The following SMC3 variants were observed in gnomAD, a reference collection of about 807,000 sequenced individuals.
SMC3 encodes the protein structural maintenance of chromosomes protein 3.
In SMC3, 20 loss-of-function variants were observed where a neutral mutation model predicts 171.8. The ratio of observed to expected loss-of-function variants is 0.12; its 90% CI spans 0.08 to 0.17. The LOEUF (loss-of-function observed/expected upper bound fraction) is 0.17, where lower values mean the gene tolerates loss of function less well. SMC3 is among the 10% of genes least tolerant of loss of function. SMC3 has a pLI of 1.00. For missense variants in SMC3, 543 were observed against 1,420.4 expected, an observed-to-expected ratio of 0.38 and a Z score of 9.93; for synonymous variants, 464 against 451.1, an observed-to-expected ratio of 1.03 and a Z score of -0.36.
rs1242500798 is a variant in SMC3 at position 110,584,493 on chromosome 10, T to G, written c.1305+97T>G. Reference sequence around the variant, plus strand: ...AGTTTTCTTTTTAAATAAGTCTACATGTTGCTCTTAAAATATATGACAGAT... The same window carrying G: ...AGTTTTCTTTTTAAATAAGTCTACAGGTTGCTCTTAAAATATATGACAGAT... On this transcript the variant is annotated intron_variant, in intron 13 of 28. Transcript: ENST00000361804. The G allele has an allele frequency of 3.6e-6, 3 of 821,988 alleles. No individual in the cohort carries two copies. In the African/African-American group the frequency reaches 5.2e-5, roughly 14 times the overall value. 50.9% of individuals were successfully genotyped at this position (821,988 alleles called of 1,614,324 possible). A position where few individuals can be genotyped will look rare whatever the true frequency, so the allele number is the denominator to read the frequency against.
intron 3 of SMC3, 52 bp downstream of exon 3, chr10:110,573,797 G>C (rs1458819307): frequency 8.6e-7 from 1 of 1,159,566 alleles, no homozygotes; most frequent in Admixed American, 1.7e-5. Flanking sequence ...GTATCTTAGG[G>C]TAGATTATTA....
intron 13 of SMC3, among the ~76,000 whole-genome samples, chr10:110,585,692 G>T (rs2134729612): frequency 6.6e-6 from 1 of 151,670 alleles, no homozygotes; most frequent in East Asian, 1.9e-4. Flanking sequence ...CAGTTCTTCA[G>T]TTTTTTCTTG....
intron 2 of SMC3, among the ~76,000 whole-genome samples, chr10:110,573,473 G>A (rs1043387413): frequency 2.0e-5 from 3 of 151,928 alleles, no homozygotes; most frequent in African/African-American, 4.8e-5. Flanking sequence ...AAGAGCAAAC[G>A]GATCAACTGT....
At chr10:110,586,021 C>T (rs773046761) in intron 13 of SMC3, among the ~76,000 whole-genome samples, 5 of 152,060 alleles carry the variant, frequency 3.3e-5, no homozygotes, top group African/African-American at 4.8e-5. Flanking sequence ...TGGTCTTGAT[C>T]TCTTGACCTT....
intron 18 of SMC3, 124 bp from the exon 19 acceptor site, chr10:110,596,274 T>A: frequency 2.7e-6 from 2 of 744,346 alleles, no homozygotes; most frequent in East Asian, 3.2e-5. Context: ...TTTTTCAGGG[T>A]GGTTTAAATT....
chr10:110,574,631 T>A (rs1860920126), intron 3 of SMC3, among the ~76,000 whole-genome samples: 1 of 152,192 alleles, frequency 6.6e-6, no homozygotes, highest in African/African-American at 2.4e-5. Flanking sequence ...TCGACCTGTG[T>A]CCACAGCACA....
chr10:110,579,753 A>ATT (rs1861004027), intron 7 of SMC3, among the ~76,000 whole-genome samples: 1 of 152,166 alleles, frequency 6.6e-6, no homozygotes, highest in African/African-American at 2.4e-5. Context: ...AATTGCATGA[A>ATT]CCAATATGTA....
At chr10:110,589,046 G>T (rs1488454333) in intron 13 of SMC3, among the ~76,000 whole-genome samples, 2 of 149,870 alleles carry the variant, frequency 1.3e-5, no homozygotes, top group African/African-American at 2.4e-5. Context: ...GTATTTAATG[G>T]TTTGTGTTTT....
chr10:110,577,972 A>G (rs1860977906), intron 6 of SMC3, 58 bp downstream of exon 6: 7 of 1,193,756 alleles, frequency 5.9e-6, no homozygotes, highest in Non-Finnish European at 8.7e-6. Flanking sequence ...GAGATGGGGT[A>G]TTGCTGTGTT....
rs767187688 is a variant in SMC3 at position 110,568,934 on chromosome 10, C to G, written c.16-4C>G. 6.4e-7 allele frequency: 1 copy of G among 1,562,022 alleles called. No homozygotes were observed. Among genetic ancestry groups the G allele is most frequent in the South Asian group, 1.1e-5 (1 of 89,944 alleles). ...GGTTCTCAAAAATGTTTTTTATTTA[C>G]TAGGTGATTATCCAGGGTTTTCGAA... is the stretch of plus-strand genomic sequence containing the variant. On this transcript the variant is annotated splice_polypyrimidine_tract_variant and splice_region_variant and intron_variant, in intron 1 of 28. Transcript: ENST00000361804.
intron 13 of SMC3, among the ~76,000 whole-genome samples, chr10:110,586,321 G>A (rs1181030686): frequency 6.6e-6 from 1 of 152,218 alleles, no homozygotes; most frequent in African/African-American, 2.4e-5. Context: ...GTTTTTGGAA[G>A]TCCAGTCGTG....
chr10:110,573,762 G>T lies in SMC3; in HGVS notation c.130+17G>T, dbSNP rs1590549473. ...TTTTTTATGGTAGGTGTTGCTTTTT[G>T]AATTGTAAATATATTAAGACCTGGG... is the stretch of plus-strand genomic sequence containing the variant. On this transcript the variant is annotated intron_variant, in intron 3 of 28. Transcript: ENST00000361804. 3 of 1,529,362 alleles carry T rather than the reference G, an allele frequency of 2.0e-6. No individual in the cohort carries two copies. 94.7% of individuals were successfully genotyped at this position (1,529,362 alleles called of 1,614,324 possible).
intron 2 of SMC3, among the ~76,000 whole-genome samples, chr10:110,569,409 A>T (rs1190352775): frequency 6.6e-6 from 1 of 152,152 alleles, no homozygotes; most frequent in Non-Finnish European, 1.5e-5. Context: ...GTCTCTAAGG[A>T]CAGACCATGT....
intron 18 of SMC3, 98 bp from the exon 19 acceptor site, chr10:110,596,297 CATT>C (rs1861299501): frequency 4.7e-6 from 5 of 1,074,344 alleles, no homozygotes; most frequent in Admixed American, 2.7e-5. Context: ...TTTCAATTCT[CATT>C]ATCTACTTAA....
At chr10:110,568,615 T>C in intron 1 of SMC3, 1 of 304,948 alleles carries the variant, frequency 3.3e-6, no homozygotes, top group South Asian at 3.5e-5. Context: ...CCTGCTTTTA[T>C]AGACTTGCTA....
At position 110,596,432 on chromosome 10, in the gene SMC3, G is replaced by C. The variant is rs142669130; in HGVS notation, c.1998G>C (p.Gly666=). 41 of 1,613,806 alleles carry C rather than the reference G, an allele frequency of 2.5e-5. No individual in the cohort carries two copies. Among genetic ancestry groups the C allele is most frequent in the Non-Finnish European group, 3.1e-5 (37 of 1,179,952 alleles). ...TCAGCCATCGGGGTGCTCTAACTGG[G>C]GGTTATTATGACACAAGGAAGTCTC... ...DQVSHRGALT[G]GYYDTRKSRL... The change falls in exon 19 of 29, where the codon GGG becomes GGC. Residue 666 remains glycine (G), a synonymous_variant. Coordinates refer to ENST00000361804, the MANE Select transcript of SMC3 (RefSeq NM_005445.4).
intron 13 of SMC3, among the ~76,000 whole-genome samples, chr10:110,589,189 A>G (rs1170615644): frequency 1.3e-5 from 2 of 152,144 alleles, no homozygotes; most frequent in Non-Finnish European, 2.9e-5. Context: ...GGAGATCGAG[A>G]CCATCCTGGC....
At chr10:110,583,699 G>C in intron 11 of SMC3, 142 bp from the exon 12 acceptor site, 1 of 1,178,418 alleles carries the variant, frequency 8.5e-7, no homozygotes, top group East Asian at 2.4e-5. Flanking sequence ...ACTTGGTACT[G>C]TCCCTTTGTT....
Position 110,567,696 on chromosome 10 carries a change from T to G in SMC3, c.-121T>G. 8.1e-7 allele frequency: 1 copy of G among 1,241,152 alleles called. No homozygotes were observed. The highest frequency in any genetic ancestry group is 1.2e-6 in the Non-Finnish European group (1 of 859,116). The allele number at this position is 1,241,152 out of a possible 1,614,324, so 76.9% of individuals were successfully genotyped here. ...CGCCCCCACGAGCGCCGCCATTTTG[T>G]TTGGCTGAGGGGAGCGAGCGGCGCT... On this transcript the variant is annotated 5_prime_UTR_variant, in exon 1 of 29. Coordinates refer to ENST00000361804, the MANE Select transcript of SMC3 (RefSeq NM_005445.4).
Sources: gnomAD v4.1 joint callset for allele counts (sites outside exome capture counted in the v4.1 genomes callset) on GRCh38, gnomAD v4.1.1 for gene constraint, MANE v1.5 for transcripts, NCBI Gene and HGNC (gene_info 2026-07-23, HGNC 2026-07-21) for gene names.